The following EVC2 variants were observed in gnomAD, a reference collection of about 807,000 sequenced individuals.
EVC2 encodes the protein limbin.
EVC2 carries 148 observed loss-of-function variants against 149.3 expected under a neutral mutation model. The observed-to-expected ratio is 0.99, with a 90% confidence interval of 0.87 to 1.14. EVC2 has a LOEUF of 1.14. EVC2 is among the 50% of genes most tolerant of loss of function. The probability of loss-of-function intolerance (pLI) is 0.00; values close to 1 mark genes in which losing one functional copy is unlikely to be tolerated. For synonymous variants in EVC2, 776 were observed against 649.9 expected (o/e 1.19, Z -2.95); for missense variants, 1,854 against 1,627.3 (o/e 1.14, Z -2.40).
rs1420826622 is a variant in EVC2 at position 5,637,489 on chromosome 4, C to T, written c.1470+3025G>A. Among the ~76,000 whole-genome samples, 1 of 152,152 alleles carries T rather than the reference C, an allele frequency of 6.6e-6. No homozygotes were observed. The highest frequency in any genetic ancestry group is 1.5e-5 in the Non-Finnish European group (1 of 68,034). ...GATGTGCTTGGAACAATGCCAGACACACCATGCATGCTAAGGAAGGATGAG... is the reference window on the plus strand; with the variant it reads ...GATGTGCTTGGAACAATGCCAGACATACCATGCATGCTAAGGAAGGATGAG... On this transcript the variant is annotated intron_variant, in intron 10 of 21. Coordinates refer to ENST00000344408, the MANE Select transcript of EVC2 (RefSeq NM_147127.5). This position sits in a 1 kb window ranked among gnomAD's most constrained non-coding sequence, Gnocchi z 4.4.
chr4:5,630,094 A>G (rs549624615), intron 11 of EVC2, among the ~76,000 whole-genome samples: 1 of 152,370 alleles, frequency 6.6e-6, no homozygotes, highest in Admixed American at 6.5e-5. Flanking sequence ...CAAGCTATGA[A>G]TATGACAGAA....
chr4:5,580,488 G>C (rs1711661532), intron 17 of EVC2, among the ~76,000 whole-genome samples: 1 of 152,224 alleles, frequency 6.6e-6, no homozygotes, highest in African/African-American at 2.4e-5. Context: ...GTGGTCTCAA[G>C]TAAACAGCAC....
At chr4:5,624,556 T>C (rs558060711) in intron 13 of EVC2, among the ~76,000 whole-genome samples, 1 of 152,322 alleles carries the variant, frequency 6.6e-6, no homozygotes, top group South Asian at 2.1e-4. Context: ...ACTTGTAATG[T>C]TTATCAAAAG....
chr4:5,685,432 C>A lies in EVC2; in HGVS notation c.754G>T (p.Asp252Tyr). The change falls in exon 6 of 22, where the codon GAC (aspartate) becomes TAC (tyrosine). Residue 252 changes from aspartate (D) to tyrosine (Y), a missense_variant. Transcript: ENST00000344408. ...VSYAATLQAGDLGNGESLKLP... is the reference protein window; with the variant it reads ...VSYAATLQAGYLGNGESLKLP... ...TTGAGGCTCTCCCCGTTCCCGAGGT[C>A]TCCAGCCTGGAGCGTGGCTGCGTAG... The A allele has an allele frequency of 6.2e-7, 1 of 1,614,236 alleles. No individual in the cohort carries two copies. The highest frequency in any genetic ancestry group is 8.5e-7 in the Non-Finnish European group (1 of 1,180,044).
chr4:5,650,537 C>T (rs925330417), intron 9 of EVC2, among the ~76,000 whole-genome samples: 6 of 149,052 alleles, frequency 4.0e-5, no homozygotes, highest in African/African-American at 1.2e-4. Context: ...TTATCACCTA[C>T]ATCAAACGAA....
chr4:5,587,985 G>A (rs1712444631), intron 16 of EVC2, among the ~76,000 whole-genome samples: 1 of 152,112 alleles, frequency 6.6e-6, no homozygotes, highest in Non-Finnish European at 1.5e-5. Flanking sequence ...TTGGGCATAA[G>A]ACAATATGAG....
chr4:5,685,722 G>A (rs770165192), intron 5 of EVC2, among the ~76,000 whole-genome samples: 7 of 152,202 alleles, frequency 4.6e-5, no homozygotes, highest in Non-Finnish European at 1.0e-4. Context: ...CACTCCTGAC[G>A]TTTCCATTCA....
At position 5,671,484 on chromosome 4, in the gene EVC2, C is replaced by T. The variant is rs187961951; in HGVS notation, c.871-5835G>A. ...TTTGTCCACAGACCAGGCTTTATTC[C>T]CTTTTTAATATTTCAAACAATACTT... On this transcript the variant is annotated intron_variant, in intron 7 of 21. Coordinates refer to ENST00000344408, the MANE Select transcript of EVC2 (RefSeq NM_147127.5). 8.5e-5 allele frequency among the ~76,000 whole-genome samples: 13 copies of T among 152,282 alleles called. 1 individual carries two copies. The highest frequency in any genetic ancestry group is 4.6e-4 in the Admixed American group (7 of 15,300).
Position 5,563,241 on chromosome 4 carries a change from G to A in EVC2, c.3660-126C>T, listed in dbSNP as rs368974645. ...CCAACCCAGTGCCATTTTAACAAAA[G>A]GTTATTTTCCCCCTTGGTCACCAGA... On this transcript the variant is annotated intron_variant, in intron 21 of 21. Transcript: ENST00000344408. 25 of 942,766 alleles carry A rather than the reference G, an allele frequency of 2.7e-5. No homozygotes were observed. In the South Asian group the frequency reaches 3.6e-4, roughly 14 times the overall value. 58.4% of individuals were successfully genotyped at this position (942,766 alleles called of 1,614,324 possible). A position where few individuals can be genotyped will look rare whatever the true frequency, so the allele number is the denominator to read the frequency against.
chr4:5,591,409 C>T (rs971482136), intron 16 of EVC2, among the ~76,000 whole-genome samples: 5 of 152,174 alleles, frequency 3.3e-5, no homozygotes, highest in Non-Finnish European at 7.3e-5. Context: ...TATTACATGC[C>T]TGCCATGCGC....
intron 21 of EVC2, among the ~76,000 whole-genome samples, chr4:5,556,709 G>A (rs1560118693): frequency 6.6e-6 from 1 of 151,930 alleles, no homozygotes; most frequent in Admixed American, 6.6e-5. Context: ...AGAAAAAAAA[G>A]AAAACATGAA....
intron 10 of EVC2, among the ~76,000 whole-genome samples, chr4:5,634,869 G>T (rs914169990): frequency 1.3e-5 from 2 of 152,056 alleles, no homozygotes; most frequent in Non-Finnish European, 2.9e-5. Context: ...GGGGCAAAGT[G>T]CAAAGAGCAC....
In EVC2 at chr4:5,622,494, A is replaced by C; in HGVS notation, c.2501+43T>G. The C allele has an allele frequency of 6.3e-7, 1 of 1,597,976 alleles. No individual in the cohort carries two copies. The highest frequency in any genetic ancestry group is 8.5e-7 in the Non-Finnish European group (1 of 1,171,034). ...ACAGGGCAGGAATCTCCCTGGCATCAACGGGATGGGGAGGGGTGATTACGA... is the reference window on the plus strand; with the variant it reads ...ACAGGGCAGGAATCTCCCTGGCATCCACGGGATGGGGAGGGGTGATTACGA... On this transcript the variant is annotated intron_variant, in intron 14 of 21. Coordinates refer to ENST00000344408, the MANE Select transcript of EVC2 (RefSeq NM_147127.5). The surrounding 1 kb of genome is among the most constrained non-coding windows in gnomAD (Gnocchi z 5.8).
At chr4:5,630,165 G>A (rs967378700) in intron 11 of EVC2, among the ~76,000 whole-genome samples, 1 of 152,188 alleles carries the variant, frequency 6.6e-6, no homozygotes, top group Non-Finnish European at 1.5e-5. Flanking sequence ...AAATGGAGGG[G>A]GGAGCTCGTT....
rs1208496204 is a variant in EVC2, at chr4:5,622,087, G to A, written c.2501+450C>T. On this transcript the variant is annotated intron_variant, in intron 14 of 21. Transcript: ENST00000344408. This position sits in a 1 kb window ranked among gnomAD's most constrained non-coding sequence, Gnocchi z 5.8. The stretch of plus-strand genomic sequence containing the variant: ...ATCATGAGCAGCCTTGATGCCTGGT[G>A]AAACTAGCAGGGCCTGGAATGGCCT... Among the ~76,000 whole-genome samples, 1 of 152,072 alleles carries A rather than the reference G, an allele frequency of 6.6e-6. No individual in the cohort carries two copies. The highest frequency in any genetic ancestry group is 2.4e-5 in the African/African-American group (1 of 41,394).
At chr4:5,674,818 C>T (rs946875030) in intron 7 of EVC2, among the ~76,000 whole-genome samples, 3 of 152,046 alleles carry the variant, frequency 2.0e-5, no homozygotes, top group Admixed American at 6.6e-5. Flanking sequence ...ACCACCCCAG[C>T]GTGGACAATG....
intron 1 of EVC2, among the ~76,000 whole-genome samples, chr4:5,701,876 A>C: frequency 6.6e-6 from 1 of 151,806 alleles, no homozygotes; most frequent in African/African-American, 2.4e-5. Flanking sequence ...AGTAAACCCC[A>C]CTGGCTCTAC....
intron 16 of EVC2, among the ~76,000 whole-genome samples, chr4:5,601,095 A>C (rs900088017): frequency 6.6e-6 from 1 of 152,138 alleles, no homozygotes; most frequent in Non-Finnish European, 1.5e-5. Context: ...AGATCTAAAG[A>C]TACTCACACT....
chr4:5,628,061 A>G (rs374587137), intron 12 of EVC2, among the ~76,000 whole-genome samples: 5 of 152,168 alleles, frequency 3.3e-5, no homozygotes, highest in African/African-American at 1.2e-4. Flanking sequence ...TCTGTAACAC[A>G]AAGGATTTTT....
Sources: allele counts gnomAD v4.1 joint callset (sites outside exome capture counted in the v4.1 genomes callset), GRCh38; gene constraint gnomAD v4.1.1; non-coding constraint Gnocchi (gnomAD v3.1); transcripts MANE v1.5; gene names NCBI Gene and HGNC (gene_info 2026-07-23, HGNC 2026-07-21).